DNAH9: variants seen among roughly 807,000 people sequenced by gnomAD.
The protein encoded by DNAH9 is DNAH9 variant protein.
In DNAH9, 345 loss-of-function variants were observed where a neutral mutation model predicts 471.6. That is an observed-to-expected ratio of 0.73 (90% CI 0.67 to 0.80). The LOEUF (loss-of-function observed/expected upper bound fraction) is 0.80, where lower values mean the gene tolerates loss of function less well. Ranked by LOEUF, DNAH9 falls within the 30% of genes least tolerant of loss-of-function variation. DNAH9 has a pLI of 0.00. For missense variants in DNAH9, 5,407 were observed against 5,609.2 expected (o/e 0.96, Z 1.15); for synonymous variants, 2,093 against 2,123.6 (o/e 0.99, Z 0.40).
rs562247993 is a variant in DNAH9 at position 11,769,579 on chromosome 17, G to A, written c.7552+250G>A. Reference sequence around the variant, plus strand: ...GGTCTGTTAAATTCCTCAAGAGCAAGGTGTTCAACACAGAGCAGTTCAGCA... The same window carrying A: ...GGTCTGTTAAATTCCTCAAGAGCAAAGTGTTCAACACAGAGCAGTTCAGCA... On this transcript the variant is annotated intron_variant, in intron 38 of 68. Coordinates refer to ENST00000262442, the MANE Select transcript of DNAH9 (RefSeq NM_001372.4). Among the ~76,000 whole-genome samples, 11 of 152,340 alleles carry A rather than the reference G, an allele frequency of 7.2e-5. No individual in the cohort carries two copies. In the South Asian group the frequency reaches 2.1e-3, roughly 29 times the overall value.
In DNAH9 at chr17:11,937,117, A is replaced by C. The variant is rs1023694461; in HGVS notation, c.12490-235A>C. Among the ~76,000 whole-genome samples, 1 of 152,094 alleles carries C rather than the reference A, an allele frequency of 6.6e-6. No homozygotes were observed. The highest frequency in any genetic ancestry group is 1.5e-5 in the Non-Finnish European group (1 of 68,012). On this transcript the variant is annotated intron_variant, in intron 65 of 68. Coordinates refer to ENST00000262442, the MANE Select transcript of DNAH9 (RefSeq NM_001372.4). The surrounding 1 kb of genome is among the most constrained non-coding windows in gnomAD (Gnocchi z 4.1). ...AAAGTCATCTAAGCCTCCCAGAAAA[A>C]AGAGAATGATAGAATGAATGTGGAA...
rs565025931 is a variant in DNAH9, at chr17:11,644,344, A to G, written c.1902-287A>G. 4.6e-4 allele frequency among the ~76,000 whole-genome samples: 70 copies of G among 152,256 alleles called. No homozygotes were observed. The South Asian group carries it at 7.7e-3, about 17-fold the overall frequency. ...TATTCAGATTTTTGAAGGACCTCAC[A>G]TACCTTGTGTGTGACTGGCTCAGCT... On this transcript the variant is annotated intron_variant, in intron 10 of 68. Transcript: ENST00000262442.
chr17:11,932,355 G>A lies in DNAH9; in HGVS notation c.12297+150G>A. On this transcript the variant is annotated intron_variant, in intron 64 of 68. Transcript: ENST00000262442. The surrounding 1 kb of genome is among the most constrained non-coding windows in gnomAD (Gnocchi z 4.3). ...CGTGATGCAGATGCTGCTGATTCGG[G>A]GACCATAATTTAAGAGTGTAACACA... 2 of 827,334 alleles carry A rather than the reference G, an allele frequency of 2.4e-6. No individual in the cohort carries two copies. The highest frequency in any genetic ancestry group is 1.8e-6 in the Non-Finnish European group (1 of 547,666). The allele number at this position is 827,334 out of a possible 1,614,324, so 51.2% of individuals were successfully genotyped here.
chr17:11,681,916 G>A (rs191967722), intron 19 of DNAH9, among the ~76,000 whole-genome samples: 11 of 152,260 alleles, frequency 7.2e-5, no homozygotes, highest in African/African-American at 2.6e-4. Context: ...TAATACCTTT[G>A]TGCTCCAGAT....
At position 11,924,109 on chromosome 17, in the gene DNAH9, T is replaced by C. The variant is rs564492918; in HGVS notation, c.11877+168T>C. On this transcript the variant is annotated intron_variant, in intron 62 of 68. Transcript: ENST00000262442. ...TCCAGTTCTCCTCACTCATATGTTC[T>C]CTTCCCCAGACCACGTCCAGGAACA... 2.0e-5 allele frequency among the ~76,000 whole-genome samples: 3 copies of C among 152,274 alleles called. No homozygotes were observed. The South Asian group carries it at 6.2e-4, about 32-fold the overall frequency.
At chr17:11,956,944 G>A (rs1028211476) in intron 67 of DNAH9, among the ~76,000 whole-genome samples, 5 of 150,816 alleles carry the variant, frequency 3.3e-5, no homozygotes, top group African/African-American at 1.2e-4. Flanking sequence ...TAATGAAAGT[G>A]AAAACAAAAA....
intron 46 of DNAH9, 129 bp downstream of exon 46, chr17:11,822,191 C>A: frequency 8.6e-7 from 1 of 1,160,206 alleles, no homozygotes; most frequent in Non-Finnish European, 1.2e-6. Context: ...GCACCCTTCT[C>A]AGCCTGAGCA....
At chr17:11,646,806 G>A (rs895843088) in intron 11 of DNAH9, among the ~76,000 whole-genome samples, 2 of 152,164 alleles carry the variant, frequency 1.3e-5, no homozygotes, top group Admixed American at 1.3e-4. Context: ...CCAGCTACTT[G>A]GGAGGCTGAG....
At chr17:11,726,126 A>G (rs998624153) in intron 27 of DNAH9, among the ~76,000 whole-genome samples, 2 of 152,266 alleles carry the variant, frequency 1.3e-5, no homozygotes, top group Non-Finnish European at 2.9e-5. Context: ...CTCCTCCTGG[A>G]AAGCCTTACC....
At chr17:11,716,781 A>G (rs983328401) in intron 26 of DNAH9, among the ~76,000 whole-genome samples, 10 of 152,212 alleles carry the variant, frequency 6.6e-5, no homozygotes, top group Admixed American at 3.3e-4. Flanking sequence ...GGGGACAGCT[A>G]TGGGACAGAA....
intron 3 of DNAH9, 65 bp from the exon 4 acceptor site, chr17:11,611,585 T>C: frequency 1.3e-6 from 2 of 1,532,794 alleles, no homozygotes; most frequent in Non-Finnish European, 9.0e-7. Flanking sequence ...TGACGATGGG[T>C]CATCACAGTG....
chr17:11,645,632 A>G (rs561055160), intron 11 of DNAH9, among the ~76,000 whole-genome samples: 1 of 152,204 alleles, frequency 6.6e-6, no homozygotes, highest in East Asian at 1.9e-4. Flanking sequence ...AGCCTCTGCC[A>G]TGCTCTGTAG....
intron 59 of DNAH9, among the ~76,000 whole-genome samples, chr17:11,895,542 C>G (rs1325355438): frequency 6.6e-6 from 1 of 152,152 alleles, no homozygotes; most frequent in African/African-American, 2.4e-5. Flanking sequence ...ACAGAGATAT[C>G]CCTTGTACCC....
At chr17:11,705,286 T>C (rs2074680935) in intron 26 of DNAH9, 101 bp downstream of exon 26, 10 of 1,054,266 alleles carry the variant, frequency 9.5e-6, no homozygotes, top group South Asian at 4.4e-5. Flanking sequence ...TATTTGTCCA[T>C]AGAGCTACAG....
chr17:11,685,898 G>A (rs973509059), intron 19 of DNAH9, among the ~76,000 whole-genome samples: 9 of 147,754 alleles, frequency 6.1e-5, no homozygotes, highest in African/African-American at 2.0e-4. Flanking sequence ...TCCGTCTCCC[G>A]GGTTCAAGTG....
At chr17:11,834,922 T>G in intron 49 of DNAH9, 24 bp downstream of exon 49, 1 of 1,607,106 alleles carries the variant, frequency 6.2e-7, no homozygotes, top group Middle Eastern at 2.1e-4. Context: ...CTGCCATACC[T>G]GCTCATCCCT....
chr17:11,754,888 A>G (rs964208790), intron 33 of DNAH9, among the ~76,000 whole-genome samples: 10 of 152,154 alleles, frequency 6.6e-5, no homozygotes, highest in Non-Finnish European at 1.0e-4. Flanking sequence ...CATCTTTGTC[A>G]TTAAATCTTT....
At chr17:11,621,164 C>T (rs894492134) in intron 6 of DNAH9, among the ~76,000 whole-genome samples, 1 of 151,910 alleles carries the variant, frequency 6.6e-6, no homozygotes, top group African/African-American at 2.4e-5. Flanking sequence ...AATCCCAGCC[C>T]TTTGGGAGGC....
chr17:11,611,894 C>A, intron 4 of DNAH9, 114 bp downstream of exon 4: 1 of 984,920 alleles, frequency 1.0e-6, no homozygotes, highest in Non-Finnish European at 1.6e-6. Flanking sequence ...AATTTCCGAC[C>A]CGACACAAAC....
Sources: gnomAD v4.1 joint callset for allele counts (sites outside exome capture counted in the v4.1 genomes callset) on GRCh38, gnomAD v4.1.1 for gene constraint, Gnocchi (gnomAD v3.1) non-coding constraint, MANE v1.5 for transcripts, NCBI Gene and HGNC (gene_info 2026-07-23, HGNC 2026-07-21) for gene names.